The following PKIB variants were observed in gnomAD, a reference collection of about 807,000 sequenced individuals.
PKIB encodes cAMP-dependent protein kinase inhibitor beta.
A neutral mutation model predicts 4.5 loss-of-function variants in PKIB; 2 were observed. That is an observed-to-expected ratio of 0.44 (90% CI 0.18 to 1.39). The LOEUF (loss-of-function observed/expected upper bound fraction) is 1.39, where lower values mean the gene tolerates loss of function less well. PKIB is among the 40% of genes most tolerant of loss of function. PKIB has a pLI of 0.27. For missense variants in PKIB, 94 were observed against 92.6 expected, an observed-to-expected ratio of 1.02 and a Z score of -0.06; for synonymous variants, 38 against 36.0, an observed-to-expected ratio of 1.06 and a Z score of -0.20.
chr6:122,675,265 G>T (rs1211100464), intron 3 of PKIB, 121 bp downstream of exon 3: 1 of 152,394 alleles, frequency 6.6e-6, no homozygotes, highest in African/African-American at 2.4e-5. Flanking sequence ...TGCAAAATTT[G>T]AATGAGAGTA....
At chr6:122,518,831 A>G (rs998020709) in intron 2 of PKIB, among the ~76,000 whole-genome samples, 3 of 152,214 alleles carry the variant, frequency 2.0e-5, no homozygotes, top group South Asian at 2.1e-4. Flanking sequence ...TTTTTAAAGT[A>G]TCTGTTAAAA....
At chr6:122,549,037 T>G (rs1229815126) in intron 2 of PKIB, among the ~76,000 whole-genome samples, 1 of 152,178 alleles carries the variant, frequency 6.6e-6, no homozygotes, top group Non-Finnish European at 1.5e-5. Context: ...TGGAAAGAAA[T>G]AAACTGTCAA....
intron 3 of PKIB, among the ~76,000 whole-genome samples, chr6:122,592,993 T>C (rs1202138361): frequency 2.0e-5 from 3 of 152,286 alleles, no homozygotes; most frequent in Admixed American, 2.0e-4. Flanking sequence ...ATTTTTGATA[T>C]TAAATTTACA....
intron 2 of PKIB, among the ~76,000 whole-genome samples, chr6:122,512,071 C>G (rs1776604785): frequency 1.3e-5 from 2 of 152,110 alleles, no homozygotes; most frequent in Non-Finnish European, 2.9e-5. Flanking sequence ...TATACAGGCA[C>G]CCCACAGTCC....
intron 2 of PKIB, among the ~76,000 whole-genome samples, chr6:122,520,215 C>T (rs1436207722): frequency 1.3e-5 from 2 of 152,006 alleles, no homozygotes; most frequent in Non-Finnish European, 2.9e-5. Context: ...TGATATATTT[C>T]CTGCAAACTA....
chr6:122,575,447 GA>G (rs551187683), intron 2 of PKIB, among the ~76,000 whole-genome samples: 11 of 148,190 alleles, frequency 7.4e-5, no homozygotes, highest in South Asian at 2.1e-4. Flanking sequence ...GTCATTATAT[GA>G]AAAAAAAAAC....
intron 3 of PKIB, among the ~76,000 whole-genome samples, chr6:122,679,173 G>A (rs1451771151): frequency 6.6e-6 from 1 of 152,234 alleles, no homozygotes; most frequent in African/African-American, 2.4e-5. Flanking sequence ...AAGCCTTGGA[G>A]GAAGAGCACT....
chr6:122,599,973 A>ATATATCTATATCTATATCTATATC (rs72488702), intron 3 of PKIB, among the ~76,000 whole-genome samples: 1 of 146,836 alleles, frequency 6.8e-6, no homozygotes, highest in African/African-American at 2.5e-5. Flanking sequence ...AACTAATAGG[A>ATATATCTATATCTATATCTATATC]TATATCTATA....
At chr6:122,535,086 CT>C (rs954135042) in intron 2 of PKIB, among the ~76,000 whole-genome samples, 7 of 152,058 alleles carry the variant, frequency 4.6e-5, no homozygotes, top group Non-Finnish European at 1.0e-4. Context: ...CCTGTCCTCT[CT>C]CTCTCTTCTC....
chr6:122,640,442 T>C (rs1327711079), intron 2 of PKIB, among the ~76,000 whole-genome samples: 1 of 152,196 alleles, frequency 6.6e-6, no homozygotes, highest in Non-Finnish European at 1.5e-5. Flanking sequence ...AATTTCTACT[T>C]TGTAGTATTC....
intron 2 of PKIB, among the ~76,000 whole-genome samples, chr6:122,674,209 A>C (rs561880043): frequency 6.6e-6 from 1 of 152,296 alleles, no homozygotes; most frequent in South Asian, 2.1e-4. Context: ...TAGGCAAACT[A>C]ATAAGGGTTA....
intron 1 of PKIB, among the ~76,000 whole-genome samples, chr6:122,474,094 C>T (rs906699277): frequency 6.6e-6 from 1 of 152,208 alleles, no homozygotes; most frequent in African/African-American, 2.4e-5. Flanking sequence ...GATCGTGCCA[C>T]TGCACTCCGG....
intron 2 of PKIB, among the ~76,000 whole-genome samples, chr6:122,673,280 G>A (rs1462049246): frequency 6.6e-6 from 1 of 152,042 alleles, no homozygotes; most frequent in Non-Finnish European, 1.5e-5. Flanking sequence ...CTTTAAACTA[G>A]ATTCTTATTT....
At chr6:122,709,317 A>G (rs1779184201) in intron 3 of PKIB, among the ~76,000 whole-genome samples, 1 of 152,184 alleles carries the variant, frequency 6.6e-6, no homozygotes, top group African/African-American at 2.4e-5. Context: ...GACTAAGGGC[A>G]GTCACTTTGA....
At chr6:122,597,166 G>A (rs1025100985) in intron 3 of PKIB, among the ~76,000 whole-genome samples, 4 of 152,198 alleles carry the variant, frequency 2.6e-5, no homozygotes, top group African/African-American at 4.8e-5. Context: ...AGTCCAGTGC[G>A]TTTGCTACTT....
chr6:122,478,347 C>T (rs1392909143), intron 2 of PKIB: 1 of 152,196 alleles, frequency 6.6e-6, no homozygotes, highest in Non-Finnish European at 1.5e-5. Flanking sequence ...TAAAAATCAT[C>T]TCAGTGGTTG....
intron 2 of PKIB, among the ~76,000 whole-genome samples, chr6:122,489,698 C>T (rs1354845337): frequency 6.6e-6 from 1 of 152,226 alleles, no homozygotes; most frequent in African/African-American, 2.4e-5. Flanking sequence ...CAAAAGCTTT[C>T]TCCTTTCCTG....
At chr6:122,497,517 TG>T (rs993779057) in intron 2 of PKIB, among the ~76,000 whole-genome samples, 2 of 152,096 alleles carry the variant, frequency 1.3e-5, no homozygotes, top group Admixed American at 1.3e-4. Flanking sequence ...CTCAAAGGGT[TG>T]AAGAAAGATC....
chr6:122,580,969 G>A (rs1424120311), intron 2 of PKIB, among the ~76,000 whole-genome samples: 1 of 152,140 alleles, frequency 6.6e-6, no homozygotes, highest in Non-Finnish European at 1.5e-5. Context: ...CCACTAGGTG[G>A]ATGGTGCAGA....
Sources: gnomAD v4.1 joint callset for allele counts (sites outside exome capture counted in the v4.1 genomes callset) on GRCh38, gnomAD v4.1.1 for gene constraint, MANE v1.5 for transcripts, NCBI Gene and HGNC (gene_info 2026-07-23, HGNC 2026-07-21) for gene names.